Variants in FSTL5 observed in about 807,000 individuals in gnomAD.
FSTL5 encodes the protein follistatin-related protein 5.
Under a neutral mutation model 89.1 loss-of-function variants are expected in FSTL5, and 62 were observed. The observed-to-expected ratio is 0.70, with a 90% CI of 0.57 to 0.86. FSTL5 has a LOEUF of 0.86. FSTL5 is among the 40% of genes least tolerant of loss of function. FSTL5 has a pLI of 0.00. For missense variants in FSTL5, 1,057 were observed against 1,001.6 expected (o/e 1.06, Z -0.75); for synonymous variants, 383 against 346.2 (o/e 1.11, Z -1.18).
chr4:161,706,025 C>CTTTTT lies in FSTL5; in HGVS notation c.728-49536_728-49532dup, dbSNP rs370782436. Among the ~76,000 whole-genome samples the CTTTTT allele has an allele frequency of 2.7e-3, 302 of 113,720 alleles. 1 individual carries two copies. Among genetic ancestry groups the CTTTTT allele is most frequent in the Non-Finnish European group, 4.1e-3 (225 of 54,880 alleles). The allele number at this position is 113,720 out of a possible 152,430, so 74.6% of individuals were successfully genotyped here. On this transcript the variant is annotated intron_variant, in intron 6 of 15. Coordinates refer to ENST00000306100, the MANE Select transcript of FSTL5 (RefSeq NM_020116.5). ...ACATCTACACACACACAGACTATAC[C>CTTTTT]TTTTTACTTCTTAATAATAGGTTTA... is the stretch of plus-strand genomic sequence containing the variant.
chr4:161,579,671 C>T (rs921689706), intron 8 of FSTL5, among the ~76,000 whole-genome samples: 1 of 147,624 alleles, frequency 6.8e-6, no homozygotes, highest in Admixed American at 7.0e-5. Context: ...GAGCCAAGAT[C>T]GTGCCATTGC....
intron 4 of FSTL5, among the ~76,000 whole-genome samples, chr4:161,804,047 C>T (rs899880683): frequency 2.0e-5 from 3 of 151,946 alleles, no homozygotes; most frequent in Non-Finnish European, 4.4e-5. Flanking sequence ...CTGGAGAACA[C>T]CCTTAGCTCC....
chr4:162,040,485 C>T (rs900629966), intron 2 of FSTL5, among the ~76,000 whole-genome samples: 26 of 151,738 alleles, frequency 1.7e-4, no homozygotes, highest in Non-Finnish European at 5.9e-5. Context: ...CACACTTTAT[C>T]AAAAACAACT....
chr4:161,419,717 A>T (rs572243267), intron 15 of FSTL5, among the ~76,000 whole-genome samples: 8 of 152,186 alleles, frequency 5.3e-5, no homozygotes, highest in Non-Finnish European at 7.3e-5. Context: ...CTCCAAACTC[A>T]TCTCCTAACT....
chr4:161,516,739 AC>A (rs1730855533), intron 10 of FSTL5, among the ~76,000 whole-genome samples: 1 of 149,456 alleles, frequency 6.7e-6, no homozygotes, highest in African/African-American at 2.5e-5. Flanking sequence ...ACACACACAC[AC>A]ACACACACAC....
intron 4 of FSTL5, among the ~76,000 whole-genome samples, chr4:161,809,933 G>T (rs1453629709): frequency 2.6e-5 from 4 of 152,198 alleles, no homozygotes; most frequent in Middle Eastern, 3.4e-3. Context: ...ACAATGTAAA[G>T]GTACTTATAC....
chr4:161,405,047 A>G (rs961956390), intron 15 of FSTL5, among the ~76,000 whole-genome samples: 3 of 152,130 alleles, frequency 2.0e-5, no homozygotes, highest in Admixed American at 6.6e-5. Flanking sequence ...CCTGACCAAC[A>G]TGGTGAAACC....
Position 161,595,866 on chromosome 4 carries a change from CCTT to C in FSTL5, c.895-8294_895-8292del, listed in dbSNP as rs1464589038. ...ACTTTCTTTTTCATATTATGTCCCT[CCTT>C]ATAGTTCTAAATTGTATGGTACCAA... On this transcript the variant is annotated intron_variant, in intron 7 of 15. Coordinates refer to ENST00000306100, the MANE Select transcript of FSTL5 (RefSeq NM_020116.5). Among the ~76,000 whole-genome samples, 4 of 151,986 alleles carry C rather than the reference CCTT, an allele frequency of 2.6e-5. No homozygotes were observed. The East Asian group carries it at 7.7e-4, about 29-fold the overall frequency.
chr4:161,614,806 T>C (rs548312367), intron 7 of FSTL5, among the ~76,000 whole-genome samples: 1 of 152,208 alleles, frequency 6.6e-6, no homozygotes, highest in African/African-American at 2.4e-5. Flanking sequence ...AAAATAATTT[T>C]ATTCTCAAGG....
At chr4:161,981,155 T>C (rs1735817461) in intron 3 of FSTL5, among the ~76,000 whole-genome samples, 3 of 152,296 alleles carry the variant, frequency 2.0e-5, no homozygotes, top group East Asian at 1.9e-4. Flanking sequence ...AAGATACCTA[T>C]TGCTGAAAAG....
intron 2 of FSTL5, among the ~76,000 whole-genome samples, chr4:162,062,270 A>G (rs1452333793): frequency 6.6e-6 from 1 of 151,966 alleles, no homozygotes; most frequent in Non-Finnish European, 1.5e-5. Flanking sequence ...ATTTCTAAAT[A>G]GCAGTTGAAT....
intron 2 of FSTL5, among the ~76,000 whole-genome samples, chr4:162,059,735 T>A (rs80269299): frequency 0.037 from 5,592 of 151,792 alleles, 153 homozygotes; most frequent in South Asian, 0.089. Flanking sequence ...TGAGAAAGAG[T>A]TATGTTTATA....
chr4:162,035,080 A>G (rs1039645634), intron 2 of FSTL5: 1 of 152,160 alleles, frequency 6.6e-6, no homozygotes, highest in African/African-American at 2.4e-5. Flanking sequence ...TTCCGAAAGG[A>G]CATTTGTTAA....
At chr4:161,811,692 AAACCATC>A (rs1357516172) in intron 4 of FSTL5, among the ~76,000 whole-genome samples, 3 of 152,212 alleles carry the variant, frequency 2.0e-5, no homozygotes, top group Non-Finnish European at 4.4e-5. Context: ...TAAATCGATC[AAACCATC>A]AAAAACACAA....
At chr4:161,848,782 G>A (rs1348682088) in intron 4 of FSTL5, among the ~76,000 whole-genome samples, 1 of 152,142 alleles carries the variant, frequency 6.6e-6, no homozygotes, top group Non-Finnish European at 1.5e-5. Context: ...ATGAAAGAGG[G>A]AAAAGAGTCT....
Position 161,903,800 on chromosome 4 carries a change from T to C in FSTL5, c.409+16604A>G, listed in dbSNP as rs150973997. On this transcript the variant is annotated intron_variant, in intron 4 of 15. Transcript: ENST00000306100. ...TTTTTTTTTCTCTAAAAGCATAAGA[T>C]GCCTAGATCAATTATAACTGAAAGG... is the stretch of plus-strand genomic sequence containing the variant. Among the ~76,000 whole-genome samples, 332 of 151,912 alleles carry C rather than the reference T, an allele frequency of 2.2e-3. 1 individual carries two copies. The highest frequency in any genetic ancestry group is 3.2e-3 in the Non-Finnish European group (220 of 67,940).
At chr4:161,450,501 CAAT>C (rs931259967) in intron 15 of FSTL5, among the ~76,000 whole-genome samples, 5 of 152,024 alleles carry the variant, frequency 3.3e-5, no homozygotes, top group Non-Finnish European at 5.9e-5. Context: ...AAAAAGTTAA[CAAT>C]AGTAGAATTA....
chr4:161,897,955 T>A (rs890990458), intron 4 of FSTL5, among the ~76,000 whole-genome samples: 1 of 151,796 alleles, frequency 6.6e-6, no homozygotes, highest in African/African-American at 2.4e-5. Flanking sequence ...TTTTCTAAAA[T>A]GTCATATAAT....
chr4:161,846,718 G>T (rs1273392878), intron 4 of FSTL5, among the ~76,000 whole-genome samples: 1 of 152,020 alleles, frequency 6.6e-6, no homozygotes, highest in Non-Finnish European at 1.5e-5. Context: ...GGGAGTTTAT[G>T]CATTTATCTA....
Sources: gnomAD v4.1 joint callset for allele counts (sites outside exome capture counted in the v4.1 genomes callset) on GRCh38, gnomAD v4.1.1 for gene constraint, MANE v1.5 for transcripts, NCBI Gene and HGNC (gene_info 2026-07-23, HGNC 2026-07-21) for gene names.